Variants in EVI5 observed in about 807,000 individuals in gnomAD.
EVI5 encodes the protein ecotropic viral integration site 5 protein homolog.
EVI5 carries 73 observed loss-of-function variants against 112.0 expected under a neutral mutation model. That is an observed-to-expected ratio of 0.65 (90% CI 0.54 to 0.79). The LOEUF is 0.79. Ranked by LOEUF, EVI5 falls within the 30% of genes least tolerant of loss-of-function variation. EVI5 has a pLI of 0.00. For missense variants in EVI5, 900 were observed against 968.8 expected (o/e 0.93, Z 0.94); for synonymous variants, 305 against 319.9 (o/e 0.95, Z 0.50).
intron 13 of EVI5, among the ~76,000 whole-genome samples, chr1:92,661,401 A>G (rs1369353175): frequency 6.6e-6 from 1 of 152,148 alleles, no homozygotes; most frequent in African/African-American, 2.4e-5. Context: ...ACATCTATCA[A>G]TAAGTCTCAA....
intron 18 of EVI5, among the ~76,000 whole-genome samples, chr1:92,579,384 T>C (rs1427702947): frequency 6.6e-6 from 1 of 152,194 alleles, no homozygotes; most frequent in Non-Finnish European, 1.5e-5. Context: ...GAAAACCAGA[T>C]TATAATTACT....
chr1:92,718,468 G>C (rs987561854), intron 2 of EVI5, among the ~76,000 whole-genome samples: 1 of 152,186 alleles, frequency 6.6e-6, no homozygotes, highest in African/African-American at 2.4e-5. Context: ...AATGAAGGCA[G>C]AAATAAAGAT....
chr1:92,706,446 C>T lies in EVI5; in HGVS notation c.150-1702G>A, dbSNP rs370447389. On this transcript the variant is annotated intron_variant, in intron 2 of 19. Coordinates refer to ENST00000684568, the MANE Select transcript of EVI5 (RefSeq NM_001350197.2). ...ACCTGAATCCTAGTTATTTGCCATA[C>T]TTATTTACTGACTGCTTGCTACATC... 5.9e-5 allele frequency among the ~76,000 whole-genome samples: 9 copies of T among 152,314 alleles called. No homozygotes were observed. In the East Asian group the frequency reaches 1.7e-3, roughly 29 times the overall value.
intron 13 of EVI5, among the ~76,000 whole-genome samples, chr1:92,662,180 C>T (rs1664133077): frequency 6.6e-6 from 1 of 152,116 alleles, no homozygotes; most frequent in Admixed American, 6.6e-5. Context: ...AACTTCTCTC[C>T]CTTTGAAATA....
chr1:92,624,066 C>T, intron 16 of EVI5, 110 bp downstream of exon 16: 1 of 980,116 alleles, frequency 1.0e-6, no homozygotes, highest in Non-Finnish European at 1.5e-6. Context: ...GCGGTCTATA[C>T]AGCTTCATAT....
chr1:92,715,146 C>T lies in EVI5; in HGVS notation c.150-10402G>A, dbSNP rs573350636. On this transcript the variant is annotated intron_variant, in intron 2 of 19. Transcript: ENST00000684568. The stretch of plus-strand genomic sequence containing the variant: ...TCAGCCTTCCAAGTAGCTGGGACTA[C>T]AGGTGCCTGCCACCATGTCCAGCTA... 2.0e-5 allele frequency among the ~76,000 whole-genome samples: 3 copies of T among 152,202 alleles called. No homozygotes were observed. In the East Asian group the frequency reaches 5.8e-4, roughly 29 times the overall value.
chr1:92,605,403 C>G lies in EVI5; in HGVS notation c.1975-1G>C. 1 of 1,605,400 alleles carries G rather than the reference C, an allele frequency of 6.2e-7. No individual in the cohort carries two copies. ...TCACAGCCATCACTTCTTCCTTATTCTAGTGTGGTAAACCAAACCGAAACA... is the reference window on the plus strand; with the variant it reads ...TCACAGCCATCACTTCTTCCTTATTGTAGTGTGGTAAACCAAACCGAAACA... On this transcript the variant is annotated splice_acceptor_variant, in intron 17 of 19. Coordinates refer to ENST00000684568, the MANE Select transcript of EVI5 (RefSeq NM_001350197.2). LOFTEE classifies it high-confidence loss of function.
At chr1:92,780,855 T>TC (rs1684771655) in intron 1 of EVI5, among the ~76,000 whole-genome samples, 2 of 150,622 alleles carry the variant, frequency 1.3e-5, no homozygotes, top group South Asian at 4.2e-4. Flanking sequence ...AAAGTAAATT[T>TC]TTTTTTTTTT....
intron 18 of EVI5, among the ~76,000 whole-genome samples, chr1:92,583,897 T>C (rs1378852565): frequency 1.3e-5 from 2 of 152,204 alleles, no homozygotes; most frequent in African/African-American, 4.8e-5. Flanking sequence ...GGGTTACAAA[T>C]AGGTATCATA....
At chr1:92,603,668 T>C (rs1649688169) in intron 18 of EVI5, among the ~76,000 whole-genome samples, 1 of 144,328 alleles carries the variant, frequency 6.9e-6, no homozygotes, top group Non-Finnish European at 1.6e-5. Flanking sequence ...ATTGTACAGG[T>C]GTATAAAATT....
chr1:92,672,483 AC>A (rs1197414079), intron 10 of EVI5, among the ~76,000 whole-genome samples: 1 of 152,100 alleles, frequency 6.6e-6, no homozygotes, highest in East Asian at 1.9e-4. Flanking sequence ...TTCAAAAATC[AC>A]CTGGTTAACT....
At chr1:92,735,735 AATAT>A (rs1558171856) in intron 2 of EVI5, among the ~76,000 whole-genome samples, 1 of 143,364 alleles carries the variant, frequency 7.0e-6, no homozygotes, top group Non-Finnish European at 1.5e-5. Context: ...AATATAATAT[AATAT>A]AATCATATTA....
intron 5 of EVI5, among the ~76,000 whole-genome samples, chr1:92,700,260 C>G (rs761884186): frequency 1.3e-5 from 2 of 152,060 alleles, no homozygotes; most frequent in Non-Finnish European, 2.9e-5. Flanking sequence ...GACAATATAC[C>G]TAATATTATA....
chr1:92,656,268 T>C (rs1662977684), intron 13 of EVI5, among the ~76,000 whole-genome samples: 1 of 151,944 alleles, frequency 6.6e-6, no homozygotes, highest in Non-Finnish European at 1.5e-5. Flanking sequence ...TACAAATACA[T>C]AAAAATTCAC....
chr1:92,528,265 T>C (rs142608623), intron 19 of EVI5, among the ~76,000 whole-genome samples: 2 of 152,334 alleles, frequency 1.3e-5, no homozygotes, highest in African/African-American at 4.8e-5. Flanking sequence ...ATAAGCACTT[T>C]GGAAAATGGC....
At chr1:92,652,139 T>C (rs1465816794) in intron 13 of EVI5, among the ~76,000 whole-genome samples, 2 of 152,182 alleles carry the variant, frequency 1.3e-5, no homozygotes, top group Non-Finnish European at 2.9e-5. Context: ...ACGTAGTATA[T>C]ACATACTATG....
At chr1:92,521,502 C>T (rs1660922492) in intron 19 of EVI5, among the ~76,000 whole-genome samples, 1 of 152,072 alleles carries the variant, frequency 6.6e-6, no homozygotes, top group African/African-American at 2.4e-5. Context: ...ACCAGCCTGG[C>T]CAACATGTTG....
At chr1:92,666,788 A>G (rs1664983155) in intron 10 of EVI5, among the ~76,000 whole-genome samples, 1 of 152,228 alleles carries the variant, frequency 6.6e-6, no homozygotes, top group South Asian at 2.1e-4. Flanking sequence ...TACAGTACAT[A>G]TAGAAATAAG....
Position 92,701,831 on chromosome 1 carries a change from G to C in EVI5, c.639+310C>G, listed in dbSNP as rs185842443. Among the ~76,000 whole-genome samples the C allele has an allele frequency of 6.0e-5, 9 of 149,594 alleles. No individual in the cohort carries two copies. The East Asian group carries it at 1.8e-3, about 29-fold the overall frequency. On this transcript the variant is annotated intron_variant, in intron 5 of 19. Coordinates refer to ENST00000684568, the MANE Select transcript of EVI5 (RefSeq NM_001350197.2). ...ACTTTAATTATTTCCTCCTTGGTTA[G>C]AAAAAGATTACTCTTCATTAAATGT...
Sources: gnomAD v4.1 joint callset for allele counts (sites outside exome capture counted in the v4.1 genomes callset) on GRCh38, gnomAD v4.1.1 for gene constraint, MANE v1.5 for transcripts, NCBI Gene and HGNC (gene_info 2026-07-23, HGNC 2026-07-21) for gene names.